Variants in COL1A2 observed in about 807,000 individuals in gnomAD.
COL1A2 encodes the protein collagen alpha-2(I) chain.
Under a neutral mutation model 174.3 loss-of-function variants are expected in COL1A2, and 49 were observed. The ratio of observed to expected loss-of-function variants is 0.28; its 90% CI spans 0.22 to 0.36. The LOEUF (loss-of-function observed/expected upper bound fraction) is 0.36. COL1A2 is among the 10% of genes least tolerant of loss of function. COL1A2 has a pLI of 1.00. For synonymous variants in COL1A2, 655 were observed against 606.6 expected (o/e 1.08, Z -1.17); for missense variants, 1,438 against 1,822.7 (o/e 0.79, Z 3.84).
chr7:94,403,325 G>A (rs912877628), intron 6 of COL1A2, among the ~76,000 whole-genome samples: 6 of 152,218 alleles, frequency 3.9e-5, no homozygotes, highest in South Asian at 2.1e-4. Context: ...TCACAAATAG[G>A]GAAGATAGGC....
chr7:94,417,839 T>C lies in COL1A2; in HGVS notation c.1971+8T>C, dbSNP rs778148436. 1 of 1,576,504 alleles carries C rather than the reference T, an allele frequency of 6.3e-7. No homozygotes were observed. On this transcript the variant is annotated splice_region_variant and intron_variant, in intron 32 of 51. Coordinates refer to ENST00000297268, the MANE Select transcript of COL1A2 (RefSeq NM_000089.4). ...GGAGGCAAGGGAGAAAAGGTACGTG[T>C]TGACCCCTATTACATATTGTTGATG...
chr7:94,407,957 A>G, intron 13 of COL1A2, 66 bp downstream of exon 13: 1 of 1,455,732 alleles, frequency 6.9e-7, no homozygotes, highest in Non-Finnish European at 9.6e-7. Flanking sequence ...AACTTCTTTA[A>G]TGTTTTTGCT....
Position 94,427,249 on chromosome 7 carries a change from T to C in COL1A2, c.3221T>C (p.Val1074Ala). The stretch of plus-strand genomic sequence containing the variant: ...GGTCGCACTGGACATCCTGGTACAG[T>C]TGGACCTGCTGGCATTCGAGGCCCT... The part of the protein sequence containing the change: ...KDGRTGHPGT[V>A]GPAGIRGPQG... The change falls in exon 48 of 52, where the codon GTT (valine) becomes GCT (alanine). Residue 1074 changes from valine (V) to alanine (A), a missense_variant. Physicochemically the swap from Val to Ala is moderately conservative, Grantham distance 64. Around this residue, in one of 3 missense-constraint regions of COL1A2, gnomAD observed 867 missense variants for 1,213.7 expected, o/e 0.71. Coordinates refer to ENST00000297268, the MANE Select transcript of COL1A2 (RefSeq NM_000089.4). The C allele has an allele frequency of 6.2e-7, 1 of 1,614,002 alleles. No homozygotes were observed. The highest frequency in any genetic ancestry group is 8.5e-7 in the Non-Finnish European group (1 of 1,179,980).
At chr7:94,408,956 A>T in intron 16 of COL1A2, 133 bp downstream of exon 16, 2 of 860,562 alleles carry the variant, frequency 2.3e-6, no homozygotes, top group Non-Finnish European at 3.8e-6. Flanking sequence ...TTCAAAATGG[A>T]CATAGAATGA....
At position 94,430,498 on chromosome 7, in the gene COL1A2, T is replaced by A. The variant is rs1792377348; in HGVS notation, c.*105T>A. The A allele has an allele frequency of 1.2e-5, 14 of 1,192,016 alleles. No homozygotes were observed. Among genetic ancestry groups the A allele is most frequent in the Non-Finnish European group, 1.7e-5 (14 of 820,224 alleles). 73.8% of individuals were successfully genotyped at this position (1,192,016 alleles called of 1,614,324 possible). ...GAAAGCTGAATCCTTCCATTTCTTC[T>A]GCACATCTACTTGCTTAAATTGTGG... On this transcript the variant is annotated 3_prime_UTR_variant, in exon 52 of 52. Coordinates refer to ENST00000297268, the MANE Select transcript of COL1A2 (RefSeq NM_000089.4).
At chr7:94,426,865 G>T in intron 46 of COL1A2, 143 bp from the exon 47 acceptor site, 1 of 757,308 alleles carries the variant, frequency 1.3e-6, no homozygotes, top group South Asian at 1.6e-5. Context: ...CATAATGGGA[G>T]AAAAGAGCCC....
chr7:94,415,127 G>T, intron 29 of COL1A2, 99 bp from the exon 30 acceptor site: 2 of 1,073,784 alleles, frequency 1.9e-6, no homozygotes, highest in South Asian at 2.5e-5. Flanking sequence ...GATACTGCCA[G>T]GTTTATTTCA....
chr7:94,427,402 C>A, intron 48 of COL1A2, 107 bp downstream of exon 48: 2 of 1,158,612 alleles, frequency 1.7e-6, no homozygotes, highest in South Asian at 1.3e-5. Flanking sequence ...AGCCCCATTT[C>A]AATATATCCT....
At chr7:94,408,679 C>A in intron 15 of COL1A2, 91 bp from the exon 16 acceptor site, 2 of 1,347,532 alleles carry the variant, frequency 1.5e-6, no homozygotes, top group Non-Finnish European at 2.1e-6. Flanking sequence ...CAGTGTCATG[C>A]CACTGTAAGC....
intron 13 of COL1A2, 94 bp from the exon 14 acceptor site, chr7:94,408,089 C>G: frequency 7.3e-7 from 1 of 1,374,156 alleles, no homozygotes; most frequent in Non-Finnish European, 1.0e-6. Flanking sequence ...TTAGTGTATT[C>G]TTGTACAGGT....
At chr7:94,399,011 AG>A (rs1338836372) in intron 3 of COL1A2, 37 bp from the exon 4 acceptor site, 1 of 1,599,668 alleles carries the variant, frequency 6.3e-7, no homozygotes, top group Non-Finnish European at 8.6e-7. Context: ...ATTACTTCTT[AG>A]GCATTTATTA....
chr7:94,423,277 C>T, intron 40 of COL1A2, 159 bp downstream of exon 40: 1 of 816,804 alleles, frequency 1.2e-6, no homozygotes, highest in Non-Finnish European at 2.0e-6. Flanking sequence ...CACTGAGGGG[C>T]TGTGGCTTCC....
chr7:94,420,473 GA>G (rs1433584776), intron 36 of COL1A2, 29 bp downstream of exon 36: 2 of 1,614,182 alleles, frequency 1.2e-6, no homozygotes, highest in Admixed American at 3.3e-5. Context: ...AGATTAATCT[GA>G]AAACATCCTA....
chr7:94,418,640 A>G, intron 33 of COL1A2, 88 bp downstream of exon 33: 3 of 1,007,204 alleles, frequency 3.0e-6, no homozygotes, highest in Non-Finnish European at 4.6e-6. Context: ...AGAACTACAC[A>G]CACTTTATTT....
At chr7:94,422,860 C>A in intron 39 of COL1A2, 97 bp from the exon 40 acceptor site, 1 of 1,410,938 alleles carries the variant, frequency 7.1e-7, no homozygotes, top group Non-Finnish European at 1.0e-6. Flanking sequence ...TTTATTGCAT[C>A]ACATTGTTTG....
At chr7:94,409,065 G>C (rs1172131799) in intron 16 of COL1A2, among the ~76,000 whole-genome samples, 1 of 152,124 alleles carries the variant, frequency 6.6e-6, no homozygotes, top group Non-Finnish European at 1.5e-5. Flanking sequence ...TCTAGGACTA[G>C]TTAGTTAGGA....
Position 94,395,082 on chromosome 7 carries a change from A to C in COL1A2, c.51A>C (p.Leu17Phe), listed in dbSNP as rs2115842741. Residue 17 changes from leucine to phenylalanine, a missense_variant, in exon 1 of 52, where the codon TTA becomes TTC. Physicochemically the swap from Leu to Phe is conservative, Grantham distance 22. Around this residue, in one of 3 missense-constraint regions of COL1A2, gnomAD observed 281 missense variants for 310.9 expected, o/e 0.90. Coordinates refer to ENST00000297268, the MANE Select transcript of COL1A2 (RefSeq NM_000089.4). ...TRTLLLLAVTLCLATCQSLQE... is the reference protein window; with the variant it reads ...TRTLLLLAVTFCLATCQSLQE... The stretch of plus-strand genomic sequence containing the variant: ...CTTTGTTGCTGCTTGCAGTAACCTT[A>C]TGCCTAGCAACATGCCAATGTAAGT... The C allele has an allele frequency of 2.5e-6, 4 of 1,614,014 alleles. No homozygotes were observed. The Middle Eastern group carries it at 6.6e-4, about 267-fold the overall frequency.
rs769380961 is a variant in COL1A2 at position 94,405,716 on chromosome 7, A to G, written c.530A>G (p.Lys177Arg). 4.3e-6 allele frequency: 7 copies of G among 1,613,572 alleles called. No homozygotes were observed. The highest frequency in any genetic ancestry group is 2.2e-5 in the South Asian group (2 of 91,066). ...GGAACTCCTGGACTTCCTGGCTTCA[A>G]AGGCATTAGGGTGAGCACATTCTTT... ...FPGTPGLPGFKGIRGHNGLDG... is the reference protein window; with the variant it reads ...FPGTPGLPGFRGIRGHNGLDG... Residue 177 changes from lysine (K) to arginine (R), a missense_variant, in exon 11 of 52, where the codon AAA (lysine) becomes AGA (arginine). This residue lies in a region of COL1A2 where 281 missense variants were observed against 310.9 expected (regional missense o/e 0.90). Transcript: ENST00000297268.
intron 1 of COL1A2, among the ~76,000 whole-genome samples, 175 bp from the exon 2 acceptor site, chr7:94,397,573 A>G (rs1007295384): frequency 1.3e-5 from 2 of 152,138 alleles, no homozygotes; most frequent in Non-Finnish European, 2.9e-5. Flanking sequence ...GATCCCTGCC[A>G]TACTTTTGAC....
Sources: allele counts gnomAD v4.1 joint callset (sites outside exome capture counted in the v4.1 genomes callset), GRCh38; gene constraint gnomAD v4.1.1; regional missense constraint gnomAD v4.1.1; transcripts MANE v1.5; gene names NCBI Gene and HGNC (gene_info 2026-07-23, HGNC 2026-07-21).